The following VAT1L variants were observed in gnomAD, a reference collection of about 807,000 sequenced individuals.
VAT1L encodes putative NADPH-dependent quinone oxidoreductase VAT1L.
In VAT1L, 34 loss-of-function variants were observed where a neutral mutation model predicts 44.1. That is an observed-to-expected ratio of 0.77 (90% CI 0.59 to 1.03). VAT1L has a LOEUF of 1.03. Among genes scored for constraint, VAT1L ranks in the 50% least tolerant of loss-of-function variants. VAT1L has a pLI of 0.00. For missense variants in VAT1L, 615 were observed against 538.8 expected, an observed-to-expected ratio of 1.14 and a Z score of -1.40; for synonymous variants, 253 against 202.2, an observed-to-expected ratio of 1.25 and a Z score of -2.13.
At chr16:77,853,539 C>T (rs181473577) in intron 3 of VAT1L, among the ~76,000 whole-genome samples, 82 of 152,228 alleles carry the variant, frequency 5.4e-4, no homozygotes, top group Middle Eastern at 3.4e-3. Context: ...CTCTAAATCA[C>T]AGGGAATGTG....
chr16:77,885,200 G>A (rs536534745), intron 7 of VAT1L, among the ~76,000 whole-genome samples: 3 of 152,196 alleles, frequency 2.0e-5, no homozygotes, highest in Non-Finnish European at 2.9e-5. Flanking sequence ...TGTGTGCTCC[G>A]CTGGATGCCT....
At chr16:77,910,425 C>T (rs1457936594) in intron 7 of VAT1L, among the ~76,000 whole-genome samples, 1 of 152,126 alleles carries the variant, frequency 6.6e-6, no homozygotes, top group African/African-American at 2.4e-5. Context: ...GTAATCCCAG[C>T]ACTTTGGGAG....
At position 77,791,812 on chromosome 16, in the gene VAT1L, A is replaced by G. The variant is rs558280284; in HGVS notation, c.233+2897A>G. On this transcript the variant is annotated intron_variant, in intron 1 of 8. Coordinates refer to ENST00000302536, the MANE Select transcript of VAT1L (RefSeq NM_020927.3). The stretch of plus-strand genomic sequence containing the variant: ...AGACATTTTGGTCAAATGCAGCTCA[A>G]AAAGAACTGTTGCTGGGGTCAGGGT... 5.3e-5 allele frequency among the ~76,000 whole-genome samples: 8 copies of G among 152,342 alleles called. No individual in the cohort carries two copies. The East Asian group carries it at 7.7e-4, about 15-fold the overall frequency.
intron 1 of VAT1L, among the ~76,000 whole-genome samples, chr16:77,809,070 G>C (rs1163385100): frequency 2.0e-5 from 3 of 152,222 alleles, no homozygotes; most frequent in Non-Finnish European, 4.4e-5. Flanking sequence ...CTCTAGGAGA[G>C]CAAAGTACAT....
At chr16:77,876,589 T>C in intron 5 of VAT1L, 116 bp downstream of exon 5, 2 of 837,732 alleles carry the variant, frequency 2.4e-6, no homozygotes, top group Admixed American at 4.8e-5. Context: ...GATGGGGGTG[T>C]TTCATTTTTT....
chr16:77,955,747 G>C (rs562354631), intron 7 of VAT1L, among the ~76,000 whole-genome samples: 4 of 142,902 alleles, frequency 2.8e-5, no homozygotes, highest in South Asian at 2.3e-4. Context: ...AAAAAAGAGA[G>C]AGAATGGAAT....
At chr16:77,876,039 C>T (rs558021574) in intron 4 of VAT1L, among the ~76,000 whole-genome samples, 50 of 152,248 alleles carry the variant, frequency 3.3e-4, no homozygotes, top group African/African-American at 1.2e-3. Flanking sequence ...CTCCACTTTA[C>T]GAAGGATAAA....
intron 3 of VAT1L, among the ~76,000 whole-genome samples, chr16:77,841,026 A>C (rs969499026): frequency 9.9e-5 from 15 of 152,200 alleles, no homozygotes; most frequent in Non-Finnish European, 2.1e-4. Context: ...AGCAAGCTAC[A>C]TGGATTTAAA....
chr16:77,830,974 G>A (rs939442170), intron 3 of VAT1L, among the ~76,000 whole-genome samples: 2 of 152,192 alleles, frequency 1.3e-5, no homozygotes, highest in African/African-American at 4.8e-5. Context: ...GTGAGCCACC[G>A]CATCTGGCCA....
At chr16:77,909,803 G>A (rs2017479696) in intron 7 of VAT1L, among the ~76,000 whole-genome samples, 1 of 152,080 alleles carries the variant, frequency 6.6e-6, no homozygotes, top group Admixed American at 6.5e-5. Flanking sequence ...CTGCTCAGTG[G>A]AGGACCTGGG....
intron 1 of VAT1L, among the ~76,000 whole-genome samples, chr16:77,798,267 C>T (rs1438323861): frequency 6.6e-6 from 1 of 152,226 alleles, no homozygotes; most frequent in Non-Finnish European, 1.5e-5. Context: ...ACTAGCCATA[C>T]ACCCAAGCCA....
At chr16:77,867,202 C>G (rs966344747) in intron 4 of VAT1L, among the ~76,000 whole-genome samples, 1 of 152,144 alleles carries the variant, frequency 6.6e-6, no homozygotes, top group East Asian at 1.9e-4. Flanking sequence ...TGCAAAACTC[C>G]TCTTGGTTTA....
intron 7 of VAT1L, among the ~76,000 whole-genome samples, chr16:77,962,804 G>A (rs993305865): frequency 3.3e-5 from 5 of 149,696 alleles, no homozygotes; most frequent in African/African-American, 9.8e-5. Context: ...AAAATAGCTA[G>A]GCATGGTGGC....
chr16:77,876,218 C>T (rs138764927), intron 4 of VAT1L, 152 bp from the exon 5 acceptor site: 1 of 636,396 alleles, frequency 1.6e-6, no homozygotes, highest in African/African-American at 1.8e-5. Flanking sequence ...GACATATCCA[C>T]CTCCTGGGCT....
intron 7 of VAT1L, among the ~76,000 whole-genome samples, chr16:77,960,804 T>C (rs1054202254): frequency 2.6e-5 from 4 of 151,950 alleles, no homozygotes; most frequent in African/African-American, 9.7e-5. Context: ...ACCCCACCTC[T>C]CCTAATTTCA....
At chr16:77,799,270 C>CT (rs1337097588) in intron 1 of VAT1L, among the ~76,000 whole-genome samples, 1 of 105,444 alleles carries the variant, frequency 9.5e-6, no homozygotes, top group Non-Finnish European at 2.0e-5. Flanking sequence ...CCTCCTTCTT[C>CT]TCTCTCCCTC....
chr16:77,802,209 A>G (rs1265104390), intron 1 of VAT1L, among the ~76,000 whole-genome samples: 2 of 152,132 alleles, frequency 1.3e-5, no homozygotes, highest in African/African-American at 4.8e-5. Context: ...TCCTTTTCCT[A>G]GTCATCTTTT....
intron 7 of VAT1L, among the ~76,000 whole-genome samples, chr16:77,937,987 A>T (rs2017824557): frequency 6.6e-6 from 1 of 152,196 alleles, no homozygotes; most frequent in Admixed American, 6.5e-5. Flanking sequence ...TCCTGCTACT[A>T]TTTGGAAAGA....
At chr16:77,968,608 C>G (rs978518481) in intron 7 of VAT1L, among the ~76,000 whole-genome samples, 2 of 151,648 alleles carry the variant, frequency 1.3e-5, no homozygotes, top group Non-Finnish European at 2.9e-5. Flanking sequence ...GCCTGTAGTC[C>G]CAGCTACTCA....
Sources: allele counts gnomAD v4.1 joint callset (sites outside exome capture counted in the v4.1 genomes callset), GRCh38; gene constraint gnomAD v4.1.1; transcripts MANE v1.5; gene names NCBI Gene and HGNC (gene_info 2026-07-23, HGNC 2026-07-21).